The following SPATA7 variants were observed in gnomAD, a reference collection of about 807,000 sequenced individuals.
SPATA7 encodes spermatogenesis associated 7.
In SPATA7, 43 loss-of-function variants were observed where a neutral mutation model predicts 51.8. The observed-to-expected ratio is 0.83, with a 90% CI of 0.65 to 1.07. The LOEUF (loss-of-function observed/expected upper bound fraction) is 1.07, where lower values mean the gene tolerates loss of function less well. Ranked by LOEUF, SPATA7 falls within the 50% of genes least tolerant of loss-of-function variation. The pLI is 0.00. For synonymous variants in SPATA7, 230 were observed against 252.8 expected (o/e 0.91, Z 0.86); for missense variants, 683 against 701.3 (o/e 0.97, Z 0.30).
chr14:88,429,177 G>T (rs2076874537), intron 7 of SPATA7, 171 bp from the exon 8 acceptor site: 1 of 435,036 alleles, frequency 2.3e-6, no homozygotes, highest in Non-Finnish European at 4.2e-6. Context: ...TTAAGTTTAA[G>T]AAAAAAGTGC....
intron 7 of SPATA7, 158 bp from the exon 8 acceptor site, chr14:88,429,190 G>A (rs1187780231): frequency 4.1e-6 from 2 of 487,304 alleles, no homozygotes; most frequent in East Asian, 6.5e-5. Flanking sequence ...AAAAGTGCTG[G>A]ATGGATAGAA....
At chr14:88,406,046 C>T (rs1467271712) in intron 4 of SPATA7, among the ~76,000 whole-genome samples, 7 of 152,052 alleles carry the variant, frequency 4.6e-5, no homozygotes, top group Non-Finnish European at 4.4e-5. Flanking sequence ...AATTAATAAT[C>T]ATTCTTCATT....
chr14:88,385,749 C>G lies in SPATA7; in HGVS notation c.-70C>G. 6.7e-7 allele frequency: 1 copy of G among 1,486,662 alleles called. No individual in the cohort carries two copies. The highest frequency in any genetic ancestry group is 9.3e-7 in the Non-Finnish European group (1 of 1,079,648). 92.1% of individuals were successfully genotyped at this position (1,486,662 alleles called of 1,614,324 possible). ...CTTTTCCAGTCCTCCACTGCCGGGG[C>G]TGGGCCCGGCCGCGGGAAGGACCGA... On this transcript the variant is annotated 5_prime_UTR_variant, in exon 1 of 12. Transcript: ENST00000393545.
intron 1 of SPATA7, chr14:88,386,117 A>C: frequency 8.6e-7 from 1 of 1,163,576 alleles, no homozygotes; most frequent in Non-Finnish European, 1.2e-6. Context: ...TTAAAACCTC[A>C]GTAGCTCCCA....
Position 88,469,130 on chromosome 14 carries a change from T to C in SPATA7, c.255-717T>C. 6.5e-7 allele frequency: 1 copy of C among 1,541,460 alleles called. No individual in the cohort carries two copies. Among genetic ancestry groups the C allele is most frequent in the Non-Finnish European group, 8.8e-7 (1 of 1,131,720 alleles). ...ACTCAAGGATCAAGGCGTATCACAT[T>C]GTTGACTCAATCTTCATATTCTCTC... On this transcript the variant is annotated intron_variant, in intron 4 of 4. Transcript: ENST00000556406. This position sits in a 1 kb window ranked among gnomAD's most constrained non-coding sequence, Gnocchi z 4.3.
At chr14:88,450,052 G>T (rs1484046766) in intron 3 of SPATA7, among the ~76,000 whole-genome samples, 3 of 151,978 alleles carry the variant, frequency 2.0e-5, no homozygotes, top group East Asian at 3.9e-4. Context: ...TAATGTAGGA[G>T]GGTTGTATAT....
chr14:88,445,333 T>G (rs1432283315), intron 3 of SPATA7, among the ~76,000 whole-genome samples: 1 of 151,570 alleles, frequency 6.6e-6, no homozygotes, highest in Admixed American at 6.6e-5. Context: ...GTACATTGAT[T>G]TTGTATCCAG....
chr14:88,426,284 G>A lies in SPATA7; in HGVS notation c.425G>A (p.Gly142Glu). ...EDDMLKEEMN[G>E]FSSFARSLVP... ...GACATGTTAAAAGAAGAAATGAATG[G>A]ATTTTCATCCTTTGCAAGGTCACTA... Residue 142 changes from glycine to glutamate, a missense_variant, in exon 6 of 12, where the codon GGA (glycine) becomes GAA (glutamate). Transcript: ENST00000393545. 3 of 1,614,070 alleles carry A rather than the reference G, an allele frequency of 1.9e-6. No homozygotes were observed. The highest frequency in any genetic ancestry group is 2.5e-6 in the Non-Finnish European group (3 of 1,180,004).
intron 5 of SPATA7, among the ~76,000 whole-genome samples, chr14:88,417,393 A>T (rs1408024046): frequency 3.3e-5 from 5 of 149,576 alleles, no homozygotes; most frequent in African/African-American, 1.2e-4. Flanking sequence ...TACAACCTCC[A>T]CTTCCTGGGT....
In SPATA7 at chr14:88,404,130, C is replaced by T. The variant is rs898036636; in HGVS notation, c.238+7927C>T. Among the ~76,000 whole-genome samples the T allele has an allele frequency of 4.0e-5, 6 of 151,858 alleles. No individual in the cohort carries two copies. The East Asian group carries it at 5.8e-4, about 15-fold the overall frequency. On this transcript the variant is annotated intron_variant, in intron 4 of 11. Coordinates refer to ENST00000393545, the MANE Select transcript of SPATA7 (RefSeq NM_018418.5). ...TCATGACTGGAAAGAATATATTAAC[C>T]AGATATATTTGGTTAATGTATTGAC...
At chr14:88,394,699 A>G (rs1416962258) in intron 3 of SPATA7, among the ~76,000 whole-genome samples, 1 of 152,194 alleles carries the variant, frequency 6.6e-6, no homozygotes, top group Non-Finnish European at 1.5e-5. Flanking sequence ...GAGGTAATAT[A>G]TTAAGTATAA....
intron 10 of SPATA7, among the ~76,000 whole-genome samples, chr14:88,434,527 A>G (rs1356055717): frequency 6.6e-6 from 1 of 152,092 alleles, no homozygotes; most frequent in Non-Finnish European, 1.5e-5. Context: ...TCTACTAAAA[A>G]TACAAAAATT....
chr14:88,400,141 G>A (rs975370228), intron 4 of SPATA7, among the ~76,000 whole-genome samples: 3 of 152,094 alleles, frequency 2.0e-5, no homozygotes, highest in Non-Finnish European at 4.4e-5. Flanking sequence ...TTTTCAACCA[G>A]AATGGAATAA....
intron 3 of SPATA7, among the ~76,000 whole-genome samples, chr14:88,394,554 A>T (rs1294958556): frequency 2.0e-5 from 3 of 152,160 alleles, no homozygotes; most frequent in African/African-American, 7.2e-5. Context: ...ATGATTCACC[A>T]GTTGTTAAAC....
intron 9 of SPATA7, among the ~76,000 whole-genome samples, chr14:88,431,822 T>G (rs1388152811): frequency 6.6e-6 from 1 of 152,186 alleles, no homozygotes; most frequent in African/African-American, 2.4e-5. Context: ...TATTTCATGG[T>G]GTATATATAC....
chr14:88,458,835 T>C (rs2077300698), downstream of SPATA7, among the ~76,000 whole-genome samples: 1 of 152,358 alleles, frequency 6.6e-6, no homozygotes, highest in South Asian at 2.1e-4. Context: ...TTTACATCTT[T>C]CCTGCTTTCT....
At position 88,426,404 on chromosome 14, in the gene SPATA7, G is replaced by C; in HGVS notation, c.545G>C (p.Ser182Thr). 1.9e-6 allele frequency: 3 copies of C among 1,614,212 alleles called. No homozygotes were observed. Among genetic ancestry groups the C allele is most frequent in the Non-Finnish European group, 2.5e-6 (3 of 1,180,026 alleles). Residue 182 changes from serine (S) to threonine (T), a missense_variant, in exon 6 of 12, where the codon AGT (serine) becomes ACT (threonine). Transcript: ENST00000393545. ...AAGAACTCCAGTTCCTCCCCGTCCA[G>C]TGTGGATTATGCAGCCTCCGGGCCC... The part of the protein sequence containing the change: ...PEKNSSSSPS[S>T]VDYAASGPRK...
At chr14:88,404,957 C>G (rs2139918635) in intron 4 of SPATA7, among the ~76,000 whole-genome samples, 1 of 151,824 alleles carries the variant, frequency 6.6e-6, no homozygotes, top group African/African-American at 2.4e-5. Context: ...AAACAATAAG[C>G]AAATACAAAT....
chr14:88,387,371 T>C (rs1400588629), intron 1 of SPATA7, among the ~76,000 whole-genome samples: 2 of 147,310 alleles, frequency 1.4e-5, no homozygotes, highest in East Asian at 1.9e-4. Context: ...AAATAATATA[T>C]GATAATGTCA....
Sources: gnomAD v4.1 joint callset for allele counts (sites outside exome capture counted in the v4.1 genomes callset) on GRCh38, gnomAD v4.1.1 for gene constraint, Gnocchi (gnomAD v3.1) non-coding constraint, MANE v1.5 for transcripts, NCBI Gene and HGNC (gene_info 2026-07-23, HGNC 2026-07-21) for gene names.